Variants in RAB3C observed in about 807,000 individuals in gnomAD.
The protein encoded by RAB3C is RAB3C, member RAS oncogene family.
A neutral mutation model predicts 26.4 loss-of-function variants in RAB3C; 17 were observed. The observed-to-expected ratio is 0.64, with a 90% CI of 0.44 to 0.97. The LOEUF is 0.97. Among genes scored for constraint, RAB3C ranks in the 50% least tolerant of loss-of-function variants. The pLI, the probability that RAB3C is intolerant of heterozygous loss-of-function variation, is 0.00. For synonymous variants in RAB3C, 91 were observed against 95.9 expected, an observed-to-expected ratio of 0.95 and a Z score of 0.30; for missense variants, 242 against 281.9, an observed-to-expected ratio of 0.86 and a Z score of 1.01.
chr5:58,851,629 T>C lies in RAB3C; in HGVS notation c.*278T>C, dbSNP rs295669. 158,883 of 320,788 alleles carry C rather than the reference T, an allele frequency of 0.5. 40,492 individuals carry two copies. Among genetic ancestry groups the C allele is most frequent in the Middle Eastern group, 0.62 (758 of 1,228 alleles). 19.9% of individuals were successfully genotyped at this position (320,788 alleles called of 1,614,324 possible). A position where few individuals can be genotyped will look rare whatever the true frequency, so the allele number is the denominator to read the frequency against. The stretch of plus-strand genomic sequence containing the variant: ...CTAGGCTCTTTTTGTTTCAAATTTG[T>C]TCTCAGACTACTTCTGGGACATCAG... On this transcript the variant is annotated 3_prime_UTR_variant, in exon 5 of 5. Transcript: ENST00000282878.
At position 58,715,800 on chromosome 5, in the gene RAB3C, A is replaced by C. The variant is rs148278812; in HGVS notation, c.253-10202A>C. Reference sequence around the variant, plus strand: ...GCCTGTACAGCACCATGAAGAGGTGAGCAGAAAGGGAAGCTTGCCAATCAG... The same window carrying C: ...GCCTGTACAGCACCATGAAGAGGTGCGCAGAAAGGGAAGCTTGCCAATCAG... On this transcript the variant is annotated intron_variant, in intron 2 of 4. Coordinates refer to ENST00000282878, the MANE Select transcript of RAB3C (RefSeq NM_138453.4). Among the ~76,000 whole-genome samples the C allele has an allele frequency of 2.9e-3, 443 of 152,270 alleles. 2 individuals carry two copies. The highest frequency in any genetic ancestry group is 8.7e-3 in the African/African-American group (361 of 41,572).
chr5:58,803,067 G>T (rs1402492621), intron 3 of RAB3C, among the ~76,000 whole-genome samples: 1 of 152,214 alleles, frequency 6.6e-6, no homozygotes, highest in Non-Finnish European at 1.5e-5. Context: ...ATTGACCAGA[G>T]CTTAGTCATA....
At chr5:58,634,322 C>T (rs1055971864) in intron 2 of RAB3C, among the ~76,000 whole-genome samples, 6 of 152,130 alleles carry the variant, frequency 3.9e-5, no homozygotes, top group African/African-American at 1.4e-4. Context: ...TGGGAGAACT[C>T]TGCCTTCCAG....
rs533341472 is a variant in RAB3C at position 58,746,597 on chromosome 5, A to G, written c.371+20477A>G. 3.3e-5 allele frequency among the ~76,000 whole-genome samples: 5 copies of G among 152,290 alleles called. 1 individual carries two copies. Among genetic ancestry groups the G allele is most frequent in the South Asian group, 2.1e-4 (1 of 4,830 alleles). ...TCGATGTGATTCGGCTCCATCTTGC[A>G]TAATAATTAACTCATCCATAAAGTG... On this transcript the variant is annotated intron_variant, in intron 3 of 4. Coordinates refer to ENST00000282878, the MANE Select transcript of RAB3C (RefSeq NM_138453.4).
At chr5:58,758,596 G>A (rs1237027768) in intron 3 of RAB3C, among the ~76,000 whole-genome samples, 9 of 152,070 alleles carry the variant, frequency 5.9e-5, no homozygotes, top group Non-Finnish European at 8.8e-5. Flanking sequence ...GCACAAACAG[G>A]GTCCCTATCC....
intron 2 of RAB3C, among the ~76,000 whole-genome samples, chr5:58,699,029 C>A (rs1449581669): frequency 1.3e-5 from 2 of 152,202 alleles, no homozygotes; most frequent in Non-Finnish European, 2.9e-5. Flanking sequence ...GTATTTTCAG[C>A]TTTTCTGCTC....
At chr5:58,830,754 C>A (rs16888672) in intron 4 of RAB3C, among the ~76,000 whole-genome samples, 9,159 of 152,170 alleles carry the variant, frequency 0.06, 373 homozygotes, top group East Asian at 0.14. Context: ...CATAAGCAAC[C>A]AATTTCTATT....
At chr5:58,744,935 T>TA (rs1741362295) in intron 3 of RAB3C, among the ~76,000 whole-genome samples, 1 of 152,160 alleles carries the variant, frequency 6.6e-6, no homozygotes, top group African/African-American at 2.4e-5. Context: ...ATAAGACACG[T>TA]AGTGCCCTGG....
chr5:58,826,415 C>G (rs57889970), intron 4 of RAB3C, among the ~76,000 whole-genome samples: 5,863 of 152,112 alleles, frequency 0.039, 374 homozygotes, highest in African/African-American at 0.13. Context: ...CAGAAAGTTG[C>G]AGAACTGAGT....
At chr5:58,703,051 GA>G (rs1748879505) in intron 2 of RAB3C, among the ~76,000 whole-genome samples, 1 of 152,148 alleles carries the variant, frequency 6.6e-6, no homozygotes, top group Non-Finnish European at 1.5e-5. Context: ...TGACTTCCAT[GA>G]AAAGAAATGT....
intron 3 of RAB3C, among the ~76,000 whole-genome samples, chr5:58,763,693 A>G (rs1264968066): frequency 2.6e-5 from 4 of 152,192 alleles, no homozygotes; most frequent in Admixed American, 2.6e-4. Flanking sequence ...CCTGGTTTGC[A>G]AGATAGATAT....
chr5:58,833,508 A>G (rs1397717444), intron 4 of RAB3C, among the ~76,000 whole-genome samples: 3 of 152,168 alleles, frequency 2.0e-5, no homozygotes, highest in Non-Finnish European at 4.4e-5. Flanking sequence ...GTTGAGGACC[A>G]CAGACCTAAA....
chr5:58,657,587 C>T (rs899972836), intron 2 of RAB3C, among the ~76,000 whole-genome samples: 1 of 152,020 alleles, frequency 6.6e-6, no homozygotes, highest in Non-Finnish European at 1.5e-5. Flanking sequence ...AGCATTTAAG[C>T]AAAGTTAGAA....
intron 2 of RAB3C, among the ~76,000 whole-genome samples, chr5:58,666,818 A>G (rs1561283329): frequency 6.6e-6 from 1 of 152,290 alleles, no homozygotes; most frequent in East Asian, 1.9e-4. Flanking sequence ...CTCAGAGGAT[A>G]ATGGAGATGA....
At chr5:58,636,807 G>C (rs1747299310) in intron 2 of RAB3C, among the ~76,000 whole-genome samples, 1 of 152,108 alleles carries the variant, frequency 6.6e-6, no homozygotes, top group Non-Finnish European at 1.5e-5. Flanking sequence ...AAGATAGGAA[G>C]GGCATATGAG....
chr5:58,731,383 A>G (rs972193279), intron 3 of RAB3C, among the ~76,000 whole-genome samples: 2 of 152,164 alleles, frequency 1.3e-5, no homozygotes, highest in African/African-American at 4.8e-5. Flanking sequence ...TAAATTTTCA[A>G]AAAGAATGTG....
At chr5:58,662,512 T>TA (rs1747925493) in intron 2 of RAB3C, among the ~76,000 whole-genome samples, 1 of 150,250 alleles carries the variant, frequency 6.7e-6, no homozygotes, top group South Asian at 2.1e-4. Context: ...TATATTAAAA[T>TA]TAATTCTTAC....
At chr5:58,795,333 T>G (rs554597735) in intron 3 of RAB3C, among the ~76,000 whole-genome samples, 1 of 152,286 alleles carries the variant, frequency 6.6e-6, no homozygotes, top group Non-Finnish European at 1.5e-5. Flanking sequence ...AATATACTTA[T>G]AGAATACTAT....
At chr5:58,700,745 A>G (rs953821616) in intron 2 of RAB3C, among the ~76,000 whole-genome samples, 2 of 152,310 alleles carry the variant, frequency 1.3e-5, no homozygotes, top group East Asian at 3.9e-4. Flanking sequence ...TGTAACATGT[A>G]TTTAAAAATA....
Sources: gnomAD v4.1 joint callset for allele counts (sites outside exome capture counted in the v4.1 genomes callset) on GRCh38, gnomAD v4.1.1 for gene constraint, MANE v1.5 for transcripts, NCBI Gene and HGNC (gene_info 2026-07-23, HGNC 2026-07-21) for gene names.